TNS3: variants seen among roughly 807,000 people sequenced by gnomAD.
TNS3 encodes tensin-3.
A neutral mutation model predicts 140.9 loss-of-function variants in TNS3; 45 were observed. The observed-to-expected ratio is 0.32, with a 90% CI of 0.25 to 0.41. The LOEUF (loss-of-function observed/expected upper bound fraction) is 0.41, where lower values mean the gene tolerates loss of function less well. Ranked by LOEUF, TNS3 falls within the 10% of genes least tolerant of loss-of-function variation. The probability of loss-of-function intolerance (pLI) is 1.00; values close to 1 mark genes in which losing one functional copy is unlikely to be tolerated. For synonymous variants in TNS3, 815 were observed against 788.4 expected (o/e 1.03, Z -0.56); for missense variants, 1,716 against 1,906.7 (o/e 0.90, Z 1.86).
intron 3 of TNS3, among the ~76,000 whole-genome samples, chr7:47,487,402 C>A (rs926076625): frequency 3.9e-5 from 6 of 152,200 alleles, no homozygotes; most frequent in African/African-American, 1.4e-4. Flanking sequence ...CTAATCGTTT[C>A]TTCCTGCTTG....
chr7:47,370,412 G>T (rs1356682575), intron 16 of TNS3, among the ~76,000 whole-genome samples: 1 of 152,238 alleles, frequency 6.6e-6, no homozygotes, highest in African/African-American at 2.4e-5. Flanking sequence ...TAGGTGCCGG[G>T]TGAATGTCTC....
intron 5 of TNS3, among the ~76,000 whole-genome samples, chr7:47,440,296 C>T (rs1562745096): frequency 2.0e-5 from 3 of 152,062 alleles, no homozygotes; most frequent in Non-Finnish European, 4.4e-5. Context: ...ATAATCAAAG[C>T]GGCCTTTCAT....
intron 17 of TNS3, among the ~76,000 whole-genome samples, chr7:47,358,263 G>C (rs1004952815): frequency 6.6e-6 from 1 of 151,776 alleles, no homozygotes; most frequent in African/African-American, 2.4e-5. Context: ...TCAGCCTCCC[G>C]AGTAGCTGGG....
At chr7:47,300,874 C>G (rs1425891543) in intron 23 of TNS3, among the ~76,000 whole-genome samples, 1 of 152,338 alleles carries the variant, frequency 6.6e-6, no homozygotes, top group African/African-American at 2.4e-5. Context: ...CAGTGTTTCA[C>G]AAAGGCCAAT....
At chr7:47,469,973 C>CAAA (rs144012426) in intron 4 of TNS3, among the ~76,000 whole-genome samples, 1,260 of 64,348 alleles carry the variant, frequency 0.02, 114 homozygotes, top group African/African-American at 0.076. Context: ...AACTCTGTCT[C>CAAA]AAAAAAAAAA....
intron 8 of TNS3, among the ~76,000 whole-genome samples, chr7:47,428,856 G>A (rs1487323181): frequency 2.0e-5 from 3 of 152,154 alleles, no homozygotes; most frequent in East Asian, 1.9e-4. Flanking sequence ...CACATACACC[G>A]CCGCAGCCCA....
intron 3 of TNS3, among the ~76,000 whole-genome samples, chr7:47,487,025 G>C (rs1973590): frequency 1.3e-5 from 2 of 152,032 alleles, no homozygotes; most frequent in African/African-American, 4.8e-5. Context: ...GAGGCCGGGC[G>C]CAGTAGCTCA....
chr7:47,315,491 G>A (rs548673029), intron 20 of TNS3, among the ~76,000 whole-genome samples: 27 of 152,306 alleles, frequency 1.8e-4, no homozygotes, highest in East Asian at 7.7e-4. Flanking sequence ...AGAGGGTCAC[G>A]GGCCCTTTTC....
chr7:47,377,876 A>T (rs1791501574), intron 16 of TNS3, among the ~76,000 whole-genome samples: 1 of 150,428 alleles, frequency 6.6e-6, no homozygotes, highest in African/African-American at 2.5e-5. Context: ...TGGGATAACG[A>T]TCATAGTCCC....
At chr7:47,465,655 T>A (rs552535185) in intron 4 of TNS3, among the ~76,000 whole-genome samples, 4 of 152,242 alleles carry the variant, frequency 2.6e-5, no homozygotes, top group African/African-American at 9.6e-5. Flanking sequence ...CCGGGCACAA[T>A]GGCTCACGTC....
intron 16 of TNS3, among the ~76,000 whole-genome samples, chr7:47,389,501 T>C (rs1294808489): frequency 6.6e-6 from 1 of 152,208 alleles, no homozygotes; most frequent in East Asian, 1.9e-4. Flanking sequence ...ACATACAACT[T>C]GAGCCAATTC....
intron 17 of TNS3, 77 bp downstream of exon 17, chr7:47,368,288 T>G (rs891974666): frequency 7.4e-7 from 1 of 1,360,334 alleles, no homozygotes; most frequent in African/African-American, 1.5e-5. Flanking sequence ...GCTAACCTAC[T>G]AGGCTGATTT....
chr7:47,501,057 C>A (rs1447885505), intron 3 of TNS3, among the ~76,000 whole-genome samples: 2 of 151,732 alleles, frequency 1.3e-5, no homozygotes, highest in African/African-American at 4.8e-5. Flanking sequence ...TGCATTCCAG[C>A]CCGGGTGACG....
intron 1 of TNS3, among the ~76,000 whole-genome samples, chr7:47,568,106 A>G (rs1800470242): frequency 6.6e-6 from 1 of 152,116 alleles, no homozygotes; most frequent in Non-Finnish European, 1.5e-5. Flanking sequence ...CCTGCCATCA[A>G]GCTCTTGAAA....
chr7:47,568,660 G>A (rs543865469), intron 1 of TNS3, among the ~76,000 whole-genome samples: 1 of 152,366 alleles, frequency 6.6e-6, no homozygotes, highest in South Asian at 2.1e-4. Flanking sequence ...TTCTATGCAT[G>A]GCAACAAGCC....
intron 20 of TNS3, among the ~76,000 whole-genome samples, chr7:47,321,817 C>T (rs1787751004): frequency 6.6e-6 from 1 of 152,140 alleles, no homozygotes; most frequent in African/African-American, 2.4e-5. Flanking sequence ...TTGTTTTCTT[C>T]CCCCAAAGAC....
chr7:47,303,531 G>A lies in TNS3; in HGVS notation c.2876C>T (p.Ser959Phe), dbSNP rs754925928. 345 of 1,605,670 alleles carry A rather than the reference G, an allele frequency of 2.1e-4. No homozygotes were observed. The highest frequency in any genetic ancestry group is 2.9e-4 in the Non-Finnish European group (343 of 1,178,958). The part of the protein sequence containing the change: ...WVESSPKPMV[S>F]LLGSGRPTGS... The stretch of plus-strand genomic sequence containing the variant: ...GGTGGGCCGGCCGCTCCCCAGCAGG[G>A]AAACCATGGGCTTGGGGCTGCTCTC... The change falls in exon 22 of 31, where the codon TCC (serine) becomes TTC (phenylalanine). Residue 959 changes from serine to phenylalanine, a missense_variant. By Grantham distance (155) the Ser-to-Phe change is radical. Around this residue, in one of 3 missense-constraint regions of TNS3, gnomAD observed 1,163 missense variants for 1,182.1 expected, o/e 0.98. Transcript: ENST00000311160.
chr7:47,304,820 C>T lies in TNS3; in HGVS notation c.2822+12G>A. 7.4e-7 allele frequency: 1 copy of T among 1,348,266 alleles called. No homozygotes were observed. The highest frequency in any genetic ancestry group is 9.6e-7 in the Non-Finnish European group (1 of 1,040,156). 83.5% of individuals were successfully genotyped at this position (1,348,266 alleles called of 1,614,324 possible). A position where few individuals can be genotyped will look rare whatever the true frequency, so the allele number is the denominator to read the frequency against. ...GGGAACTTGTGCCAAGTTTAAAGATCCATCTTCTTACCTCTCTCTCCTCTG... is the reference window on the plus strand; with the variant it reads ...GGGAACTTGTGCCAAGTTTAAAGATTCATCTTCTTACCTCTCTCTCCTCTG... On this transcript the variant is annotated intron_variant, in intron 21 of 30. Coordinates refer to ENST00000311160, the MANE Select transcript of TNS3 (RefSeq NM_022748.12).
intron 23 of TNS3, among the ~76,000 whole-genome samples, 189 bp downstream of exon 23, chr7:47,301,997 C>T (rs1020059250): frequency 2.6e-5 from 4 of 152,192 alleles, no homozygotes; most frequent in Non-Finnish European, 5.9e-5. Flanking sequence ...GTGAGTTTTC[C>T]CCTATAAAAA....
Sources: allele counts gnomAD v4.1 joint callset (sites outside exome capture counted in the v4.1 genomes callset), GRCh38; gene constraint gnomAD v4.1.1; regional missense constraint gnomAD v4.1.1; transcripts MANE v1.5; gene names NCBI Gene and HGNC (gene_info 2026-07-23, HGNC 2026-07-21).